Variants in RASGRP3 observed in about 807,000 individuals in gnomAD.
The protein encoded by RASGRP3 is RAS guanyl releasing protein 3.
In RASGRP3, 54 loss-of-function variants were observed where a neutral mutation model predicts 82.7. That is an observed-to-expected ratio of 0.65 (90% confidence interval 0.52 to 0.82). The LOEUF is 0.82. Among genes scored for constraint, RASGRP3 ranks in the 40% least tolerant of loss-of-function variants. RASGRP3 has a pLI of 0.00. For synonymous variants in RASGRP3, 309 were observed against 300.5 expected (o/e 1.03, Z -0.29); for missense variants, 861 against 828.9 (o/e 1.04, Z -0.48).
chr2:33,472,458 T>G (rs1348048406), upstream of RASGRP3, among the ~76,000 whole-genome samples: 4 of 152,018 alleles, frequency 2.6e-5, no homozygotes, highest in African/African-American at 9.7e-5. Context: ...GGCAAGGTGA[T>G]TAATTAGGAA....
upstream of RASGRP3, among the ~76,000 whole-genome samples, chr2:33,473,500 G>A (rs554363823): frequency 5.9e-5 from 9 of 152,346 alleles, no homozygotes; most frequent in Admixed American, 2.0e-4. Flanking sequence ...GGTTGTTGTC[G>A]AGAGTCCTAA....
rs746934268 is a variant in RASGRP3 at position 33,524,558 on chromosome 2, A to G, written c.807+10A>G. The G allele has an allele frequency of 1.3e-6, 2 of 1,538,882 alleles. No individual in the cohort carries two copies. The highest frequency in any genetic ancestry group is 1.2e-5 in the South Asian group (1 of 82,624). On this transcript the variant is annotated intron_variant, in intron 9 of 17. Coordinates refer to ENST00000403687, the MANE Select transcript of RASGRP3 (RefSeq NM_001139488.2). ...TTCAGAAGTTACAAAGGTATAGTAGACTTGATCCTAATCAAAAGTAAAAAA... is the reference window on the plus strand; with the variant it reads ...TTCAGAAGTTACAAAGGTATAGTAGGCTTGATCCTAATCAAAAGTAAAAAA...
intron 11 of RASGRP3, 149 bp downstream of exon 11, chr2:33,534,549 G>A (rs1294532749): frequency 1.5e-6 from 1 of 675,434 alleles, no homozygotes; most frequent in Admixed American, 2.8e-5. Context: ...TCTTTTTTGA[G>A]GCGGAGTCTT....
chr2:33,507,712 G>A (rs1432671444), intron 1 of RASGRP3, among the ~76,000 whole-genome samples: 2 of 152,116 alleles, frequency 1.3e-5, no homozygotes, highest in African/African-American at 4.8e-5. Flanking sequence ...TTTTATTAGA[G>A]ATGGGGTTTC....
intron 1 of RASGRP3, among the ~76,000 whole-genome samples, chr2:33,436,842 C>T (rs1664948397): frequency 6.6e-6 from 1 of 152,076 alleles, no homozygotes; most frequent in Non-Finnish European, 1.5e-5. Context: ...TCATTATTAT[C>T]AGGGGTTTAG....
In RASGRP3 at chr2:33,534,305, C is replaced by T; in HGVS notation, c.1084-18C>T. 6.7e-7 allele frequency: 1 copy of T among 1,502,788 alleles called. No homozygotes were observed. Among genetic ancestry groups the T allele is most frequent in the Non-Finnish European group, 9.2e-7 (1 of 1,084,160 alleles). The allele number at this position is 1,502,788 out of a possible 1,614,324, so 93.1% of individuals were successfully genotyped here. On this transcript the variant is annotated intron_variant, in intron 10 of 17. Coordinates refer to ENST00000403687, the MANE Select transcript of RASGRP3 (RefSeq NM_001139488.2). Reference sequence around the variant, plus strand: ...TAAATGTAATCCGACATTTTTATCCCTTCTAATTTTGTTGTAGCTTTCCCT... The same window carrying T: ...TAAATGTAATCCGACATTTTTATCCTTTCTAATTTTGTTGTAGCTTTCCCT...
chr2:33,527,989 A>G (rs900067310), intron 10 of RASGRP3, among the ~76,000 whole-genome samples: 1 of 152,132 alleles, frequency 6.6e-6, no homozygotes, highest in Admixed American at 6.6e-5. Flanking sequence ...TTTCCACCCC[A>G]TGAAATGCTG....
intron 1 of RASGRP3, among the ~76,000 whole-genome samples, chr2:33,508,424 G>A (rs570822209): frequency 6.6e-6 from 1 of 152,276 alleles, no homozygotes; most frequent in South Asian, 2.1e-4. Flanking sequence ...TCCCTGGGAG[G>A]ACAAGAGTAA....
At chr2:33,464,779 GTGATCTT>G (rs1264817381) in intron 2 of RASGRP3, among the ~76,000 whole-genome samples, 2 of 152,152 alleles carry the variant, frequency 1.3e-5, no homozygotes, top group African/African-American at 4.8e-5. Flanking sequence ...CCTGTGATCT[GTGATCTT>G]TGATGTTACT....
chr2:33,439,243 C>G (rs1281554006), intron 1 of RASGRP3, among the ~76,000 whole-genome samples: 1 of 152,128 alleles, frequency 6.6e-6, no homozygotes, highest in Non-Finnish European at 1.5e-5. Context: ...GGGAAGTATA[C>G]AGGACACAAA....
chr2:33,482,481 G>C (rs916304232), intron 1 of RASGRP3: 2 of 152,202 alleles, frequency 1.3e-5, no homozygotes, highest in African/African-American at 4.8e-5. Flanking sequence ...TCTTCAGTGT[G>C]CACGCTCCTT....
At chr2:33,488,526 A>G (rs1668587735) in intron 1 of RASGRP3, among the ~76,000 whole-genome samples, 1 of 152,248 alleles carries the variant, frequency 6.6e-6, no homozygotes, top group Admixed American at 6.5e-5. Flanking sequence ...TCACAAAAAA[A>G]GAACTCTCCA....
At chr2:33,458,002 A>C (rs1036615499) in intron 2 of RASGRP3, 3 of 152,112 alleles carry the variant, frequency 2.0e-5, no homozygotes, top group East Asian at 3.8e-4. Context: ...AGTGCTGAGG[A>C]GCTATTTATA....
chr2:33,439,455 C>T (rs1404515185), intron 1 of RASGRP3, among the ~76,000 whole-genome samples: 34 of 152,182 alleles, frequency 2.2e-4, no homozygotes, highest in East Asian at 1.9e-4. Flanking sequence ...GGCCTTCCTG[C>T]GCCCAAGGAA....
At chr2:33,490,823 A>C (rs905875623) in intron 1 of RASGRP3, among the ~76,000 whole-genome samples, 3 of 152,242 alleles carry the variant, frequency 2.0e-5, no homozygotes, top group African/African-American at 7.2e-5. Flanking sequence ...CAAGATCCAC[A>C]CATAGAGTTT....
intron 2 of RASGRP3, among the ~76,000 whole-genome samples, chr2:33,460,705 G>A (rs1027110905): frequency 1.3e-5 from 2 of 151,978 alleles, no homozygotes; most frequent in African/African-American, 2.4e-5. Flanking sequence ...AATAGAGACA[G>A]AGTTTCACCT....
At chr2:33,537,103 G>A (rs1673689696) in intron 11 of RASGRP3, among the ~76,000 whole-genome samples, 1 of 151,976 alleles carries the variant, frequency 6.6e-6, no homozygotes, top group South Asian at 2.1e-4. Flanking sequence ...GAATGACAGA[G>A]GTGGCTCTTA....
chr2:33,534,802 A>G (rs1170075874), intron 11 of RASGRP3, among the ~76,000 whole-genome samples: 3 of 148,936 alleles, frequency 2.0e-5, no homozygotes, highest in Non-Finnish European at 3.0e-5. Flanking sequence ...CGTGGCCATT[A>G]CAGGCTTGGA....
At chr2:33,536,069 G>A (rs1172612246) in intron 11 of RASGRP3, among the ~76,000 whole-genome samples, 3 of 152,044 alleles carry the variant, frequency 2.0e-5, no homozygotes, top group Non-Finnish European at 2.9e-5. Context: ...TTGGGAGGCC[G>A]AGGCAGGCAG....
Sources: gnomAD v4.1 joint callset for allele counts (sites outside exome capture counted in the v4.1 genomes callset) on GRCh38, gnomAD v4.1.1 for gene constraint, MANE v1.5 for transcripts, NCBI Gene and HGNC (gene_info 2026-07-23, HGNC 2026-07-21) for gene names.